The following TTBK1 variants were observed in gnomAD, a reference collection of about 807,000 sequenced individuals.
TTBK1 encodes tau tubulin kinase 1, also known as tau-tubulin kinase 1.
Under a neutral mutation model 108.5 loss-of-function variants are expected in TTBK1, and 34 were observed. The ratio of observed to expected loss-of-function variants is 0.31; its 90% CI spans 0.24 to 0.42. TTBK1 has a LOEUF of 0.42. Ranked by LOEUF, TTBK1 falls within the 10% of genes least tolerant of loss-of-function variation. The pLI is 1.00. For missense variants in TTBK1, 1,539 were observed against 1,826.0 expected, an observed-to-expected ratio of 0.84 and a Z score of 2.86; for synonymous variants, 809 against 795.1, an observed-to-expected ratio of 1.02 and a Z score of -0.29.
chr6:43,283,806 C>G lies in TTBK1; in HGVS notation c.3066C>G (p.Asp1022Glu). ...TGCCCAATGGCCCGGCCCTTGCAGA[C>G]GGGCCAGCCCCGGTGTCCCCGCTGG... ...NSLPNGPALA[D>E]GPAPVSPLEP... is the part of the protein sequence containing the mutation. The change falls in exon 14 of 15, where the codon GAC becomes GAG. Residue 1022 changes from aspartate to glutamate, a missense_variant. Physicochemically the swap from Asp to Glu is conservative, Grantham distance 45. Coordinates refer to ENST00000259750, the MANE Select transcript of TTBK1 (RefSeq NM_032538.3). This position sits in a 1 kb window ranked among gnomAD's most constrained non-coding sequence, Gnocchi z 8.1. The G allele has an allele frequency of 6.2e-7, 1 of 1,600,696 alleles. No individual in the cohort carries two copies. The highest frequency in any genetic ancestry group is 8.5e-7 in the Non-Finnish European group (1 of 1,172,076).
Position 43,263,733 on chromosome 6 carries a change from T to C in TTBK1, c.1986+383T>C, listed in dbSNP as rs1562090236. Among the ~76,000 whole-genome samples, 1 of 152,212 alleles carries C rather than the reference T, an allele frequency of 6.6e-6. No homozygotes were observed. Among genetic ancestry groups the C allele is most frequent in the Non-Finnish European group, 1.5e-5 (1 of 68,046 alleles). ...GCCCTGGGCCCTGCCACGGAGGGAC[T>C]TGGGGCTATACTAAGGGGCCAGGAC... On this transcript the variant is annotated intron_variant, in intron 13 of 14. Coordinates refer to ENST00000259750, the MANE Select transcript of TTBK1 (RefSeq NM_032538.3). The surrounding 1 kb of genome is among the most constrained non-coding windows in gnomAD (Gnocchi z 4.7).
chr6:43,280,461 T>C (rs568580835), intron 13 of TTBK1, among the ~76,000 whole-genome samples: 7 of 152,328 alleles, frequency 4.6e-5, no homozygotes, highest in African/African-American at 1.2e-4. Flanking sequence ...TATGACCTCA[T>C]TTATGATCAC....
At chr6:43,266,543 C>T (rs1030441859) in intron 13 of TTBK1, among the ~76,000 whole-genome samples, 7 of 152,146 alleles carry the variant, frequency 4.6e-5, no homozygotes, top group African/African-American at 1.7e-4. Flanking sequence ...TAAGTGTTAG[C>T]AACGGGACTT....
rs962044945 is a variant in TTBK1 at position 43,285,383 on chromosome 6, C to T, written c.*7C>T. ...CCGGGCTGGGGCCAGATAATGACGC[C>T]CGCTGCTCTCCGCGGTCCCCCACCC... On this transcript the variant is annotated 3_prime_UTR_variant, in exon 15 of 15. Transcript: ENST00000259750. This position sits in a 1 kb window ranked among gnomAD's most constrained non-coding sequence, Gnocchi z 4.7. 2.6e-5 allele frequency: 33 copies of T among 1,272,210 alleles called. No individual in the cohort carries two copies. Among genetic ancestry groups the T allele is most frequent in the African/African-American group, 4.6e-5 (3 of 64,518 alleles). The allele number at this position is 1,272,210 out of a possible 1,614,324, so 78.8% of individuals were successfully genotyped here.
rs763648994 is a variant in TTBK1 at position 43,283,798 on chromosome 6, C to T, written c.3058C>T (p.Leu1020Phe). The T allele has an allele frequency of 4.3e-6, 7 of 1,613,118 alleles. No individual in the cohort carries two copies. The highest frequency in any genetic ancestry group is 3.3e-5 in the Admixed American group (2 of 59,984). ...AAACTCACTGCCCAATGGCCCGGCC[C>T]TTGCAGACGGGCCAGCCCCGGTGTC... Reference protein sequence around the residue: ...ATNSLPNGPALADGPAPVSPL... With the variant: ...ATNSLPNGPAFADGPAPVSPL... Residue 1020 changes from leucine to phenylalanine, a missense_variant, in exon 14 of 15, where the codon CTT (leucine) becomes TTT (phenylalanine). Leu to Phe is a conservative substitution (Grantham distance 22). This residue lies in a region of TTBK1 where 1,055 missense variants were observed against 1,086.5 expected (regional missense o/e 0.97). Transcript: ENST00000259750. This position sits in a 1 kb window ranked among gnomAD's most constrained non-coding sequence, Gnocchi z 8.1.
chr6:43,266,895 C>T (rs867750693), intron 13 of TTBK1, among the ~76,000 whole-genome samples: 5 of 152,010 alleles, frequency 3.3e-5, no homozygotes, highest in African/African-American at 4.8e-5. Context: ...GGATTACAGG[C>T]GTGAGCCATC....
At position 43,285,406 on chromosome 6, in the gene TTBK1, C is replaced by G; in HGVS notation, c.*30C>G. On this transcript the variant is annotated 3_prime_UTR_variant, in exon 15 of 15. Transcript: ENST00000259750. This position sits in a 1 kb window ranked among gnomAD's most constrained non-coding sequence, Gnocchi z 4.7. The stretch of plus-strand genomic sequence containing the variant: ...GCCCGCTGCTCTCCGCGGTCCCCCA[C>G]CCTCACCCCGGCCCCCCACCCGCAG... The G allele has an allele frequency of 8.0e-7, 1 of 1,256,492 alleles. No individual in the cohort carries two copies. 77.8% of individuals were successfully genotyped at this position (1,256,492 alleles called of 1,614,324 possible).
In TTBK1 at chr6:43,272,329, G is replaced by A. The variant is rs1777856408; in HGVS notation, c.1986+8979G>A. The A allele has an allele frequency of 3.0e-6, 3 of 985,380 alleles. No homozygotes were observed. The African/African-American group carries it at 5.2e-5, about 17-fold the overall frequency. 61.0% of individuals were successfully genotyped at this position (985,380 alleles called of 1,614,324 possible). On this transcript the variant is annotated intron_variant, in intron 13 of 14. Coordinates refer to ENST00000259750, the MANE Select transcript of TTBK1 (RefSeq NM_032538.3). ...TGACCAGAACCCTGAGGTACTCTAA[G>A]ATCCCAAAGTGCCTTGTGAAATATT... is the stretch of plus-strand genomic sequence containing the variant.
At chr6:43,254,831 CT>C (rs1238428367) in intron 6 of TTBK1, among the ~76,000 whole-genome samples, 180 bp downstream of exon 6, 2 of 152,128 alleles carry the variant, frequency 1.3e-5, no homozygotes, top group Non-Finnish European at 2.9e-5. Context: ...AGCCTGTACT[CT>C]TGGGGGATGC....
rs2150721199 is a variant in TTBK1 at position 43,287,058 on chromosome 6, A to T, written c.*1682A>T. 1 of 152,776 alleles carries T rather than the reference A, an allele frequency of 6.5e-6. No individual in the cohort carries two copies. The highest frequency in any genetic ancestry group is 1.9e-4 in the East Asian group (1 of 5,184). The allele number at this position is 152,776 out of a possible 1,614,324, so 9.5% of individuals were successfully genotyped here. ...TGGAGAGTCAGCAGCTTGGGCAGCC[A>T]CTTCCAGGCCAGGGTGGTGGCTTCT... On this transcript the variant is annotated 3_prime_UTR_variant, in exon 15 of 15. Transcript: ENST00000259750. The surrounding 1 kb of genome is among the most constrained non-coding windows in gnomAD (Gnocchi z 4.1).
chr6:43,271,449 T>C, intron 13 of TTBK1: 1 of 985,460 alleles, frequency 1.0e-6, no homozygotes, highest in Non-Finnish European at 1.2e-6. Flanking sequence ...CACATGTGTG[T>C]TAGGGAGCCA....
At chr6:43,281,336 A>T (rs1005793698) in intron 13 of TTBK1, among the ~76,000 whole-genome samples, 4 of 150,304 alleles carry the variant, frequency 2.7e-5, no homozygotes, top group Middle Eastern at 3.2e-3. Context: ...AGATCGTGCC[A>T]CTGCACTCCA....
rs746987615 is a variant in TTBK1, at chr6:43,259,192, C to T, written c.1171C>T (p.His391Tyr). 1.9e-6 allele frequency: 3 copies of T among 1,607,386 alleles called. No homozygotes were observed. Among genetic ancestry groups the T allele is most frequent in the Non-Finnish European group, 1.7e-6 (2 of 1,176,954 alleles). ...GLGPSPHLVP[H>Y]PGGPEAEVWE... Reference sequence around the variant, plus strand: ...GGGCCCCAGTCCCCACCTTGTCCCCCACCCCGGGGGTCCTGAGGCTGAAGT... The same window carrying T: ...GGGCCCCAGTCCCCACCTTGTCCCCTACCCCGGGGGTCCTGAGGCTGAAGT... The change falls in exon 11 of 15, where the codon CAC becomes TAC. Residue 391 changes from histidine to tyrosine, a missense_variant. Around this residue, in one of 5 missense-constraint regions of TTBK1, gnomAD observed 277 missense variants for 332.4 expected, o/e 0.83. Transcript: ENST00000259750. This position sits in a 1 kb window ranked among gnomAD's most constrained non-coding sequence, Gnocchi z 6.7.
rs1249102458 is a variant in TTBK1, at chr6:43,269,898, A to G, written c.1986+6548A>G. On this transcript the variant is annotated intron_variant, in intron 13 of 14. Coordinates refer to ENST00000259750, the MANE Select transcript of TTBK1 (RefSeq NM_032538.3). The surrounding 1 kb of genome is among the most constrained non-coding windows in gnomAD (Gnocchi z 4.8). ...CAGACTCATGCCCTCGGTGCTCCGC[A>G]TCTCGCGGTCCCAGCTGCAGCAGGT... is the stretch of plus-strand genomic sequence containing the variant. 2 of 1,512,974 alleles carry G rather than the reference A, an allele frequency of 1.3e-6. No individual in the cohort carries two copies. The highest frequency in any genetic ancestry group is 1.8e-6 in the Non-Finnish European group (2 of 1,134,156). 93.7% of individuals were successfully genotyped at this position (1,512,974 alleles called of 1,614,324 possible). A position where few individuals can be genotyped will look rare whatever the true frequency, so the allele number is the denominator to read the frequency against.
intron 10 of TTBK1, 150 bp from the exon 11 acceptor site, chr6:43,258,888 G>T: frequency 1.9e-6 from 1 of 532,832 alleles, no homozygotes. Flanking sequence ...CAGCAATGGT[G>T]ATGGGCCTAG....
Position 43,259,098 on chromosome 6 carries a change from A to C in TTBK1, c.1077A>C (p.Leu359=). 1 of 1,614,116 alleles carries C rather than the reference A, an allele frequency of 6.2e-7. No homozygotes were observed. Among genetic ancestry groups the C allele is most frequent in the African/African-American group, 1.3e-5 (1 of 75,056 alleles). The change falls in exon 11 of 15, where the codon CTA becomes CTC. Residue 359 remains leucine, a synonymous_variant. Coordinates refer to ENST00000259750, the MANE Select transcript of TTBK1 (RefSeq NM_032538.3). This position sits in a 1 kb window ranked among gnomAD's most constrained non-coding sequence, Gnocchi z 6.7. ...DLLRENTEDV[L]QGEHLSDQEN... Reference sequence around the variant, plus strand: ...TCCGGGAGAACACCGAGGATGTGCTACAGGGAGAGCACCTGAGTGACCAGG... The same window carrying C: ...TCCGGGAGAACACCGAGGATGTGCTCCAGGGAGAGCACCTGAGTGACCAGG...
intron 13 of TTBK1, among the ~76,000 whole-genome samples, chr6:43,264,399 A>G (rs1777624608): frequency 1.3e-5 from 2 of 152,118 alleles, no homozygotes; most frequent in Admixed American, 1.3e-4. Flanking sequence ...AAATAAAATA[A>G]AATAAAATAA....
chr6:43,249,290 C>T (rs553169243), intron 2 of TTBK1, among the ~76,000 whole-genome samples: 1 of 152,102 alleles, frequency 6.6e-6, no homozygotes, highest in Non-Finnish European at 1.5e-5. Context: ...GGACCAGTGC[C>T]GATCCTATTG....
In TTBK1 at chr6:43,283,888, T is replaced by G. The variant is rs767300886; in HGVS notation, c.3148T>G (p.Ser1050Ala). 4 of 1,611,602 alleles carry G rather than the reference T, an allele frequency of 2.5e-6. No individual in the cohort carries two copies. Among genetic ancestry groups the G allele is most frequent in the Admixed American group, 3.3e-5 (2 of 59,946 alleles). Reference sequence around the variant, plus strand: ...CCCCAGACGCCATGCTATGCCAGGCTCTCGCCCCAGGAGCCGTATCCCTGT... The same window carrying G: ...CCCCAGACGCCATGCTATGCCAGGCGCTCGCCCCAGGAGCCGTATCCCTGT... Reference protein sequence around the residue: ...ISPRRHAMPGSRPRSRIPVLL... With the variant: ...ISPRRHAMPGARPRSRIPVLL... Residue 1050 changes from serine to alanine, a missense_variant, in exon 14 of 15, where the codon TCT (serine) becomes GCT (alanine). Around this residue, in one of 5 missense-constraint regions of TTBK1, gnomAD observed 1,055 missense variants for 1,086.5 expected, o/e 0.97. Transcript: ENST00000259750. The surrounding 1 kb of genome is among the most constrained non-coding windows in gnomAD (Gnocchi z 8.1).
Sources: gnomAD v4.1 joint callset for allele counts (sites outside exome capture counted in the v4.1 genomes callset) on GRCh38, gnomAD v4.1.1 for gene constraint, gnomAD v4.1.1 regional missense constraint, Gnocchi (gnomAD v3.1) non-coding constraint, MANE v1.5 for transcripts, NCBI Gene and HGNC (gene_info 2026-07-23, HGNC 2026-07-21) for gene names.